The following ARHGAP28 variants were observed in gnomAD, a reference collection of about 807,000 sequenced individuals.
ARHGAP28 encodes the protein Rho GTPase activating protein 28.
In ARHGAP28, 56 loss-of-function variants were observed where a neutral mutation model predicts 90.7. The observed-to-expected ratio is 0.62, with a 90% CI of 0.50 to 0.77. ARHGAP28 has a LOEUF of 0.77. ARHGAP28 is among the 30% of genes least tolerant of loss of function. The pLI is 0.00. For missense variants in ARHGAP28, 869 were observed against 900.9 expected (o/e 0.96, Z 0.45); for synonymous variants, 308 against 323.3 (o/e 0.95, Z 0.51).
chr18:6,808,191 G>A (rs2056532587), intron 1 of ARHGAP28, among the ~76,000 whole-genome samples: 1 of 151,712 alleles, frequency 6.6e-6, no homozygotes. Context: ...TTTTTTCTCT[G>A]TGTGTTTCTG....
In ARHGAP28 at chr18:6,911,037, A is replaced by T. The variant is rs1018167207; in HGVS notation, c.2096-1023A>T. On this transcript the variant is annotated intron_variant, in intron 17 of 17. Coordinates refer to ENST00000383472, the MANE Select transcript of ARHGAP28 (RefSeq NM_001366230.1). ...TTTTGCTAGAGATGGGGTTTCACTG[A>T]GTTTGCCAGGATGGTCCCGATCTCC... is the stretch of plus-strand genomic sequence containing the variant. 4.6e-5 allele frequency among the ~76,000 whole-genome samples: 7 copies of T among 151,832 alleles called. No homozygotes were observed. In the South Asian group the frequency reaches 1.2e-3, roughly 27 times the overall value.
rs184817600 is a variant in ARHGAP28, at chr18:6,742,099, T to A, written c.122+12156T>A. 3.9e-5 allele frequency among the ~76,000 whole-genome samples: 6 copies of A among 152,184 alleles called. No homozygotes were observed. In the South Asian group the frequency reaches 6.2e-4, roughly 16 times the overall value. The stretch of plus-strand genomic sequence containing the variant: ...AAAACAAGCAAATAAGTTGGTATAA[T>A]TTGGTGATTAAATGCATGCTGAGAA... On this transcript the variant is annotated intron_variant, in intron 1 of 17. Transcript: ENST00000383472.
chr18:6,869,641 A>G (rs1385540922), intron 6 of ARHGAP28, among the ~76,000 whole-genome samples: 1 of 152,188 alleles, frequency 6.6e-6, no homozygotes, highest in Non-Finnish European at 1.5e-5. Flanking sequence ...GAATTTTTAT[A>G]TCTGTTGACT....
chr18:6,893,872 T>TTTG (rs1371169433), intron 14 of ARHGAP28, among the ~76,000 whole-genome samples: 2 of 149,212 alleles, frequency 1.3e-5, no homozygotes, highest in African/African-American at 4.9e-5. Context: ...TTTTGGTTTT[T>TTTG]TTTTTTTTTT....
intron 2 of ARHGAP28, among the ~76,000 whole-genome samples, chr18:6,828,518 A>G (rs888224282): frequency 6.6e-6 from 1 of 152,132 alleles, no homozygotes; most frequent in Non-Finnish European, 1.5e-5. Context: ...CAGGAAGGAT[A>G]TTTCCTACAT....
rs55898428 is a variant in ARHGAP28, at chr18:6,870,054, G to A, written c.812-536G>A. Reference sequence around the variant, plus strand: ...ACCAATATTAAATAACAGAAATTCCGATTAATTCACCTGAACAAATTTAGC... The same window carrying A: ...ACCAATATTAAATAACAGAAATTCCAATTAATTCACCTGAACAAATTTAGC... On this transcript the variant is annotated intron_variant, in intron 6 of 17. Transcript: ENST00000383472. 3.3e-3 allele frequency among the ~76,000 whole-genome samples: 501 copies of A among 152,116 alleles called. 2 individuals carry two copies. The highest frequency in any genetic ancestry group is 0.012 in the African/African-American group (485 of 41,502).
intron 3 of ARHGAP28, among the ~76,000 whole-genome samples, chr18:6,839,649 T>C (rs2056789134): frequency 1.3e-5 from 2 of 152,198 alleles, no homozygotes; most frequent in Non-Finnish European, 2.9e-5. Flanking sequence ...GCCTCCCCCT[T>C]CACTTGCATT....
At chr18:6,772,985 C>G (rs1358657716) in intron 1 of ARHGAP28, among the ~76,000 whole-genome samples, 4 of 152,086 alleles carry the variant, frequency 2.6e-5, no homozygotes, top group African/African-American at 7.2e-5. Context: ...AGGTGATCCA[C>G]CCGCCTCAGC....
intron 1 of ARHGAP28, among the ~76,000 whole-genome samples, chr18:6,802,424 C>A (rs1371042280): frequency 1.4e-5 from 2 of 138,992 alleles, no homozygotes; most frequent in Non-Finnish European, 3.0e-5. Flanking sequence ...CAGCTCACTG[C>A]AACCTCTGCC....
chr18:6,876,014 G>A (rs1048385235), intron 9 of ARHGAP28, 117 bp from the exon 10 acceptor site: 9 of 807,404 alleles, frequency 1.1e-5, no homozygotes, highest in Non-Finnish European at 1.8e-5. Flanking sequence ...GCATTCAAGT[G>A]CCAGGCAAAT....
At chr18:6,876,557 C>CA (rs2057132677) in intron 10 of ARHGAP28, among the ~76,000 whole-genome samples, 1 of 152,194 alleles carries the variant, frequency 6.6e-6, no homozygotes, top group Non-Finnish European at 1.5e-5. Context: ...TGAAACGTCT[C>CA]ACTGCTGTTT....
chr18:6,837,896 A>T (rs1490034297), intron 3 of ARHGAP28, among the ~76,000 whole-genome samples: 1 of 152,198 alleles, frequency 6.6e-6, no homozygotes, highest in Non-Finnish European at 1.5e-5. Context: ...TTAAGTGGGC[A>T]AGAGAATGAT....
intron 3 of ARHGAP28, among the ~76,000 whole-genome samples, chr18:6,840,912 CTT>C (rs1311612638): frequency 2.6e-5 from 4 of 152,062 alleles, no homozygotes; most frequent in Non-Finnish European, 5.9e-5. Context: ...ATAAACCTCA[CTT>C]TTGAAAAAAT....
chr18:6,732,735 CT>C (rs2055893344), intron 1 of ARHGAP28, among the ~76,000 whole-genome samples: 1 of 152,108 alleles, frequency 6.6e-6, no homozygotes, highest in Non-Finnish European at 1.5e-5. Context: ...GTTCCTCAGG[CT>C]TGAGGTCAGA....
intron 2 of ARHGAP28, among the ~76,000 whole-genome samples, chr18:6,836,821 C>G (rs2056757052): frequency 6.6e-6 from 1 of 152,112 alleles, no homozygotes; most frequent in South Asian, 2.1e-4. Flanking sequence ...GCATTTGAAC[C>G]TCCATGTGAG....
chr18:6,741,230 A>T, intron 1 of ARHGAP28, among the ~76,000 whole-genome samples: 1 of 152,108 alleles, frequency 6.6e-6, no homozygotes, highest in East Asian at 1.9e-4. Flanking sequence ...GTAAGTTTCC[A>T]CAGATTCTGT....
chr18:6,768,050 A>C lies in ARHGAP28; in HGVS notation c.122+38107A>C, dbSNP rs1167446911. Among the ~76,000 whole-genome samples, 3 of 151,446 alleles carry C rather than the reference A, an allele frequency of 2.0e-5. No individual in the cohort carries two copies. In the East Asian group the frequency reaches 5.8e-4, roughly 29 times the overall value. On this transcript the variant is annotated intron_variant, in intron 1 of 17. Transcript: ENST00000383472. ...GAGTATTTTCCATATTTTGTCTCCA[A>C]ATTTATTGGTCTCTTGTTCTGCAGT...
chr18:6,892,558 C>G (rs1018174136), intron 14 of ARHGAP28, among the ~76,000 whole-genome samples: 3 of 151,852 alleles, frequency 2.0e-5, no homozygotes, highest in Non-Finnish European at 2.9e-5. Flanking sequence ...TTTTTTTTAC[C>G]TAACAGCTAT....
chr18:6,836,769 G>A lies in ARHGAP28; in HGVS notation c.326-428G>A, dbSNP rs182890775. Among the ~76,000 whole-genome samples, 7 of 152,242 alleles carry A rather than the reference G, an allele frequency of 4.6e-5. No homozygotes were observed. In the East Asian group the frequency reaches 7.7e-4, roughly 17 times the overall value. On this transcript the variant is annotated intron_variant, in intron 2 of 17. Transcript: ENST00000383472. ...GAGGACACTGAGGCCTCGAGATATCGTTAAGACTTAGGAATCAGGCAGCTG... is the reference window on the plus strand; with the variant it reads ...GAGGACACTGAGGCCTCGAGATATCATTAAGACTTAGGAATCAGGCAGCTG...
Sources: gnomAD v4.1 joint callset for allele counts (sites outside exome capture counted in the v4.1 genomes callset) on GRCh38, gnomAD v4.1.1 for gene constraint, MANE v1.5 for transcripts, NCBI Gene and HGNC (gene_info 2026-07-23, HGNC 2026-07-21) for gene names.